Variants in CDH18 observed in about 807,000 individuals in gnomAD.
CDH18 encodes the protein cadherin-18.
Under a neutral mutation model 67.9 loss-of-function variants are expected in CDH18, and 31 were observed. That is an observed-to-expected ratio of 0.46 (90% CI 0.34 to 0.62). The LOEUF (loss-of-function observed/expected upper bound fraction) is 0.62. CDH18 is among the 20% of genes least tolerant of loss of function. CDH18 has a pLI of 0.01. For synonymous variants in CDH18, 362 were observed against 347.2 expected (o/e 1.04, Z -0.48); for missense variants, 890 against 975.5 (o/e 0.91, Z 1.17).
intron 5 of CDH18, among the ~76,000 whole-genome samples, chr5:19,672,700 A>G (rs1482078972): frequency 6.6e-6 from 1 of 152,078 alleles, no homozygotes; most frequent in Non-Finnish European, 1.5e-5. Context: ...AGTGAAAAAG[A>G]ACAATATAAT....
chr5:20,172,221 T>TATATATATATACACAC (rs1554098770), intron 2 of CDH18, among the ~76,000 whole-genome samples: 1 of 78,346 alleles, frequency 1.3e-5, no homozygotes, highest in African/African-American at 5.6e-5. Context: ...TATATATATA[T>TATATATATATACACAC]ATGTATATAT....
At chr5:19,843,034 C>A (rs1782520749) in intron 2 of CDH18, among the ~76,000 whole-genome samples, 1 of 152,092 alleles carries the variant, frequency 6.6e-6, no homozygotes, top group East Asian at 1.9e-4. Flanking sequence ...AAATTTTCAG[C>A]CTGATCGTGT....
In CDH18 at chr5:20,182,666, C is replaced by T. The variant is rs555899678; in HGVS notation, c.-518+72778G>A. 2.0e-5 allele frequency among the ~76,000 whole-genome samples: 3 copies of T among 149,954 alleles called. No homozygotes were observed. The East Asian group carries it at 6.0e-4, about 30-fold the overall frequency. On this transcript the variant is annotated intron_variant, in intron 2 of 14. Coordinates refer to the CDH18 transcript ENST00000507958. ...GGGATTAAGTTATGAGGGGGTCCAA[C>T]CTCATTAATCCATTCTTGTTTTATA...
intron 1 of CDH18, among the ~76,000 whole-genome samples, chr5:20,575,074 C>T (rs534119716): frequency 6.6e-6 from 1 of 151,868 alleles, no homozygotes; most frequent in Non-Finnish European, 1.5e-5. Flanking sequence ...CAGCAATGGT[C>T]CTTTCTTGAT....
intron 3 of CDH18, among the ~76,000 whole-genome samples, chr5:19,808,793 T>C (rs1778317573): frequency 1.6e-5 from 2 of 126,386 alleles, no homozygotes; most frequent in Admixed American, 1.0e-4. Flanking sequence ...AGAGCGCCAC[T>C]GCCACTCCAG....
rs185089236 is a variant in CDH18, at chr5:19,890,211, T to G, written c.-256-50969A>C. The stretch of plus-strand genomic sequence containing the variant: ...TGGATGCTGCCTGCATTTCTCAGCT[T>G]GCAGCCCCTTCTGCCATATCAGAGC... On this transcript the variant is annotated intron_variant, in intron 2 of 12. Coordinates refer to ENST00000382275, the MANE Select transcript of CDH18 (RefSeq NM_004934.5). Among the ~76,000 whole-genome samples the G allele has an allele frequency of 2.9e-3, 434 of 152,236 alleles. 2 individuals carry two copies. The highest frequency in any genetic ancestry group is 0.01 in the African/African-American group (419 of 41,548).
chr5:20,391,890 A>G (rs1191512872), intron 1 of CDH18, among the ~76,000 whole-genome samples: 1 of 151,926 alleles, frequency 6.6e-6, no homozygotes, highest in East Asian at 1.9e-4. Flanking sequence ...GCTTTACAAG[A>G]ATGCAGAACA....
At chr5:19,921,909 T>C (rs1197150223) in intron 2 of CDH18, among the ~76,000 whole-genome samples, 2 of 150,686 alleles carry the variant, frequency 1.3e-5, no homozygotes, top group South Asian at 2.1e-4. Context: ...GCTAACTCGA[T>C]GATTTTTTTT....
intron 5 of CDH18, among the ~76,000 whole-genome samples, chr5:19,638,816 T>TCA (rs953479232): frequency 6.6e-6 from 1 of 151,938 alleles, no homozygotes; most frequent in Non-Finnish European, 1.5e-5. Context: ...CATCATCCCA[T>TCA]CACACAGCTC....
At chr5:19,722,483 T>C (rs1766236375) in intron 4 of CDH18, among the ~76,000 whole-genome samples, 1 of 150,652 alleles carries the variant, frequency 6.6e-6, no homozygotes, top group Non-Finnish European at 1.5e-5. Flanking sequence ...TATTTTGAGG[T>C]AATAAAATTA....
intron 2 of CDH18, among the ~76,000 whole-genome samples, chr5:19,948,250 A>C (rs1019286461): frequency 6.6e-6 from 1 of 152,136 alleles, no homozygotes; most frequent in African/African-American, 2.4e-5. Context: ...CAAAGCAGCA[A>C]TTTTACTCAG....
chr5:19,829,031 C>G lies in CDH18; in HGVS notation c.228+9728G>C, dbSNP rs549383617. 1.1e-3 allele frequency among the ~76,000 whole-genome samples: 163 copies of G among 152,088 alleles called. 1 individual carries two copies. The highest frequency in any genetic ancestry group is 3.8e-3 in the African/African-American group (159 of 41,510). Reference sequence around the variant, plus strand: ...CTAGCCTAGGTGACACAGTAAGACTCCCTCTCAAAAATAAATTAATTAATT... The same window carrying G: ...CTAGCCTAGGTGACACAGTAAGACTGCCTCTCAAAAATAAATTAATTAATT... On this transcript the variant is annotated intron_variant, in intron 3 of 12. Transcript: ENST00000382275.
In CDH18 at chr5:19,811,160, A is replaced by C. The variant is rs1368873719; in HGVS notation, c.228+27599T>G. Among the ~76,000 whole-genome samples the C allele has an allele frequency of 9.0e-3, 116 of 12,874 alleles. 1 individual carries two copies. The highest frequency in any genetic ancestry group is 0.01 in the South Asian group (6 of 572). 8.4% of individuals were successfully genotyped at this position (12,874 alleles called of 152,430 possible). ...AAAGAAAGAAAGAAAGAAAGAAAGA[A>C]GGAGAGAAAGAAAGAGAAGAAAGAG... is the stretch of plus-strand genomic sequence containing the variant. On this transcript the variant is annotated intron_variant, in intron 3 of 12. Transcript: ENST00000382275.
intron 1 of CDH18, among the ~76,000 whole-genome samples, chr5:20,422,301 A>T (rs1005320916): frequency 1.3e-5 from 2 of 151,102 alleles, no homozygotes; most frequent in African/African-American, 4.9e-5. Context: ...TTTCTAAGGA[A>T]TTAAAAATAC....
At chr5:20,213,116 A>G (rs1482445546) in intron 2 of CDH18, among the ~76,000 whole-genome samples, 3 of 152,166 alleles carry the variant, frequency 2.0e-5, no homozygotes, top group Non-Finnish European at 4.4e-5. Flanking sequence ...TTAAAAGTGT[A>G]TATACAACAC....
intron 3 of CDH18, among the ~76,000 whole-genome samples, chr5:19,755,933 T>C (rs1021030155): frequency 2.6e-5 from 4 of 152,164 alleles, no homozygotes; most frequent in African/African-American, 9.7e-5. Flanking sequence ...GGTTAATCTC[T>C]TTTGGCAACA....
chr5:20,442,371 C>T (rs1337442132), intron 1 of CDH18, among the ~76,000 whole-genome samples: 1 of 151,886 alleles, frequency 6.6e-6, no homozygotes, highest in Non-Finnish European at 1.5e-5. Flanking sequence ...ACTTATGTGA[C>T]ACAGTTCTCA....
chr5:19,505,114 A>G (rs929841548), intron 10 of CDH18, among the ~76,000 whole-genome samples: 2 of 152,174 alleles, frequency 1.3e-5, no homozygotes, highest in Middle Eastern at 3.4e-3. Flanking sequence ...CTCACATATG[A>G]CAATCGTGTT....
chr5:20,274,032 A>T lies in CDH18; in HGVS notation c.-579-18527T>A, dbSNP rs140238851. Among the ~76,000 whole-genome samples the T allele has an allele frequency of 1.8e-4, 28 of 152,310 alleles. No homozygotes were observed. The East Asian group carries it at 5.0e-3, about 27-fold the overall frequency. The stretch of plus-strand genomic sequence containing the variant: ...ACAGGTGGAGAAACGGAGACAAAAC[A>T]TTATGCAACAATGAAAGAAGAAAGT... On this transcript the variant is annotated intron_variant, in intron 1 of 14. Coordinates refer to the CDH18 transcript ENST00000507958.
Sources: gnomAD v4.1 joint callset for allele counts (sites outside exome capture counted in the v4.1 genomes callset) on GRCh38, gnomAD v4.1.1 for gene constraint, MANE v1.5 for transcripts, NCBI Gene and HGNC (gene_info 2026-07-23, HGNC 2026-07-21) for gene names.